The following TP73 variants were observed in gnomAD, a reference collection of about 807,000 sequenced individuals.
The protein encoded by TP73 is tumor protein p73, also known as p53-like transcription factor.
A neutral mutation model predicts 62.5 loss-of-function variants in TP73; 25 were observed. That is an observed-to-expected ratio of 0.40 (90% CI 0.29 to 0.56). The LOEUF (loss-of-function observed/expected upper bound fraction) is 0.56, where lower values mean the gene tolerates loss of function less well. TP73 is among the 20% of genes least tolerant of loss of function. The probability of loss-of-function intolerance (pLI) is 0.46; values close to 1 mark genes in which losing one functional copy is unlikely to be tolerated. For missense variants in TP73, 754 were observed against 913.3 expected (o/e 0.83, Z 2.25); for synonymous variants, 423 against 377.5 (o/e 1.12, Z -1.40).
At chr1:3,668,935 C>T (rs1024234992) in intron 1 of TP73, among the ~76,000 whole-genome samples, 2 of 152,196 alleles carry the variant, frequency 1.3e-5, no homozygotes, top group African/African-American at 4.8e-5. Flanking sequence ...AGGTGGCAGG[C>T]GGCAGGTGCT....
At chr1:3,719,300 T>C (rs1640871043) in intron 4 of TP73, among the ~76,000 whole-genome samples, 1 of 152,224 alleles carries the variant, frequency 6.6e-6, no homozygotes, top group Admixed American at 6.5e-5. Flanking sequence ...CTGTGTGCTC[T>C]GCACACAAGA....
At chr1:3,683,267 G>C in intron 3 of TP73, 87 bp downstream of exon 3, 1 of 1,474,528 alleles carries the variant, frequency 6.8e-7, no homozygotes, top group Non-Finnish European at 9.1e-7. Context: ...GGCAGAACCA[G>C]GAGATAGCCT....
chr1:3,667,251 C>T (rs1332518792), intron 1 of TP73, among the ~76,000 whole-genome samples: 3 of 152,206 alleles, frequency 2.0e-5, no homozygotes, highest in African/African-American at 7.2e-5. Context: ...ATGTATTCTC[C>T]CGGGGTCTCC....
intron 1 of TP73, among the ~76,000 whole-genome samples, chr1:3,656,549 C>A (rs1399556156): frequency 2.0e-5 from 3 of 152,198 alleles, no homozygotes; most frequent in Non-Finnish European, 4.4e-5. Flanking sequence ...ATAATTATGC[C>A]CATTTACAGA....
intron 1 of TP73, among the ~76,000 whole-genome samples, chr1:3,653,588 C>T (rs1644805165): frequency 6.6e-6 from 1 of 152,282 alleles, no homozygotes; most frequent in African/African-American, 2.4e-5. Context: ...ATGCTGCCAT[C>T]TGTTTATTCA....
chr1:3,691,259 C>T (rs538634785), intron 3 of TP73, among the ~76,000 whole-genome samples: 151 of 152,274 alleles, frequency 9.9e-4, no homozygotes, highest in Non-Finnish European at 1.7e-3. Context: ...TCTGATGCTC[C>T]TTGGCTTTGG....
At chr1:3,731,947 G>C (rs1402770026) in intron 13 of TP73, among the ~76,000 whole-genome samples, 1 of 152,244 alleles carries the variant, frequency 6.6e-6, no homozygotes, top group Non-Finnish European at 1.5e-5. Context: ...CAGGAAAGGG[G>C]ACCTAGGGAA....
At chr1:3,730,786 C>G (rs1642077356) in intron 11 of TP73, 141 bp from the exon 12 acceptor site, 1 of 1,162,700 alleles carries the variant, frequency 8.6e-7, no homozygotes, top group Non-Finnish European at 1.2e-6. Context: ...AAGCCTCTAG[C>G]TGGCAGGGGT....
chr1:3,687,563 C>T (rs557051739), intron 3 of TP73, among the ~76,000 whole-genome samples: 288 of 145,594 alleles, frequency 2.0e-3, no homozygotes, highest in Admixed American at 4.6e-3. Flanking sequence ...ACAAAACCAG[C>T]GCAGGGCAAT....
chr1:3,729,274 C>T, intron 9 of TP73, 53 bp from the exon 10 acceptor site: 2 of 1,609,298 alleles, frequency 1.2e-6, no homozygotes, highest in East Asian at 2.2e-5. Flanking sequence ...CGGCCACCCC[C>T]CTCCCGTGGG....
At chr1:3,688,494 T>A (rs1645723038) in intron 3 of TP73, among the ~76,000 whole-genome samples, 1 of 152,176 alleles carries the variant, frequency 6.6e-6, no homozygotes, top group East Asian at 1.9e-4. Context: ...CCCCCTGTCC[T>A]GCGGCCCAGG....
At chr1:3,705,121 C>G (rs1349636819) in intron 3 of TP73, among the ~76,000 whole-genome samples, 1 of 152,240 alleles carries the variant, frequency 6.6e-6, no homozygotes, top group Non-Finnish European at 1.5e-5. Flanking sequence ...TCTGCCGTCT[C>G]AGATTCCTGG....
chr1:3,707,423 G>C (rs897235092), intron 3 of TP73, 126 bp from the exon 4 acceptor site: 1 of 1,351,528 alleles, frequency 7.4e-7, no homozygotes. Context: ...GGAGAGACCC[G>C]GGGAAATATT....
At chr1:3,726,124 T>G (rs1157006212) in intron 6 of TP73, among the ~76,000 whole-genome samples, 45 of 58,672 alleles carry the variant, frequency 7.7e-4, no homozygotes, top group East Asian at 1.3e-3. Flanking sequence ...TGGATGGATT[T>G]ATTGATATTG....
intron 4 of TP73, among the ~76,000 whole-genome samples, chr1:3,714,549 C>A (rs547689225): frequency 1.3e-5 from 2 of 152,256 alleles, no homozygotes; most frequent in Non-Finnish European, 2.9e-5. Context: ...GCCTGCTGGG[C>A]CCCTCGTGGG....
rs566124212 is a variant in TP73 at position 3,732,990 on chromosome 1, G to A, written c.1822G>A (p.Glu608Lys). 2 of 1,587,558 alleles carry A rather than the reference G, an allele frequency of 1.3e-6. No individual in the cohort carries two copies. The highest frequency in any genetic ancestry group is 1.1e-5 in the South Asian group (1 of 88,382). ...NRGGPGGGPDEWADFGFDLPD... is the reference protein window; with the variant it reads ...NRGGPGGGPDKWADFGFDLPD... ...CGGCGGCCCAGGCGGCGGCCCTGAC[G>A]AGTGGGCGGACTTCGGCTTCGACCT... The change falls in exon 14 of 14, where the codon GAG becomes AAG. Residue 608 changes from glutamate (E) to lysine (K), a missense_variant. By Grantham distance (56) the Glu-to-Lys change is moderately conservative (BLOSUM62 1). Transcript: ENST00000378295.
Position 3,693,327 on chromosome 1 carries a change from T to C in TP73, c.186+10147T>C, listed in dbSNP as rs573577981. Among the ~76,000 whole-genome samples the C allele has an allele frequency of 2.0e-5, 3 of 152,308 alleles. No individual in the cohort carries two copies. The East Asian group carries it at 5.8e-4, about 29-fold the overall frequency. Reference sequence around the variant, plus strand: ...AGTTGTATTGGAGTTGGTGGCTTTGTGAGGCCCTGGTTATTCCTATCAAAG... The same window carrying C: ...AGTTGTATTGGAGTTGGTGGCTTTGCGAGGCCCTGGTTATTCCTATCAAAG... On this transcript the variant is annotated intron_variant, in intron 3 of 13. Transcript: ENST00000378295.
rs761086808 is a variant in TP73 at position 3,730,107 on chromosome 1, C to A, written c.1304C>A (p.Pro435His). 6.3e-7 allele frequency: 1 copy of A among 1,581,840 alleles called. No individual in the cohort carries two copies. The highest frequency in any genetic ancestry group is 1.3e-5 in the African/African-American group (1 of 74,398). ...GTCAACCAGCTGGTGGGCCAGCCTC[C>A]CCCGCACAGTTCGGCAGCTACACCC... The part of the protein sequence containing the change: ...PSVNQLVGQP[P>H]PHSSAATPNL... The change falls in exon 11 of 14, where the codon CCC becomes CAC. Residue 435 changes from proline (P) to histidine (H), a missense_variant. This residue lies in a region of TP73 where 458 missense variants were observed against 528.7 expected (regional missense o/e 0.87). Transcript: ENST00000378295.
chr1:3,730,188 G>A (rs1451867668), intron 11 of TP73, 40 bp downstream of exon 11: 2 of 1,479,090 alleles, frequency 1.4e-6, no homozygotes, highest in East Asian at 2.5e-5. Flanking sequence ...GGCAGGGCGG[G>A]GAGGCCCACT....
Sources: gnomAD v4.1 joint callset for allele counts (sites outside exome capture counted in the v4.1 genomes callset) on GRCh38, gnomAD v4.1.1 for gene constraint, gnomAD v4.1.1 regional missense constraint, MANE v1.5 for transcripts, NCBI Gene and HGNC (gene_info 2026-07-23, HGNC 2026-07-21) for gene names.